Variants in TRANK1 observed in about 807,000 individuals in gnomAD.
TRANK1 encodes the protein tetratricopeptide repeat and ankyrin repeat containing 1.
TRANK1 carries 198 observed loss-of-function variants against 266.0 expected under a neutral mutation model. That is an observed-to-expected ratio of 0.74 (90% CI 0.66 to 0.84). The LOEUF is 0.84. Ranked by LOEUF, TRANK1 falls within the 40% of genes least tolerant of loss-of-function variation. TRANK1 has a pLI of 0.00. For missense variants in TRANK1, 3,326 were observed against 3,634.6 expected (o/e 0.92, Z 2.18); for synonymous variants, 1,396 against 1,384.1 (o/e 1.01, Z -0.19).
rs369479012 is a variant in TRANK1, at chr3:36,857,567, C to G, written c.2155G>C (p.Glu719Gln). 6.2e-7 allele frequency: 1 copy of G among 1,614,042 alleles called. No homozygotes were observed. Among genetic ancestry groups the G allele is most frequent in the Admixed American group, 1.7e-5 (1 of 60,028 alleles). The change falls in exon 13 of 24, where the codon GAG (glutamate) becomes CAG (glutamine). Residue 719 changes from glutamate to glutamine, a missense_variant. Physicochemically the swap from Glu to Gln is conservative, Grantham distance 29. Transcript: ENST00000645898. This position sits in a 1 kb window ranked among gnomAD's most constrained non-coding sequence, Gnocchi z 4.3. The part of the protein sequence containing the change: ...TLPGTQVTRK[E>Q]PGALRPCSLR... ...GAGCAGGGCCTGAGAGCTCCAGGCT[C>G]CTTCCTGGTCACCTGGGTACCTGGG...
At chr3:36,882,119 G>A (rs1224107365) in intron 8 of TRANK1, among the ~76,000 whole-genome samples, 2 of 152,080 alleles carry the variant, frequency 1.3e-5, no homozygotes, top group African/African-American at 4.8e-5. Context: ...GACAGATTTG[G>A]TCTTCTGGTA....
intron 5 of TRANK1, among the ~76,000 whole-genome samples, chr3:36,893,600 C>A (rs2079742736): frequency 1.3e-5 from 2 of 152,218 alleles, no homozygotes; most frequent in South Asian, 4.1e-4. Flanking sequence ...TTTCAGAGAC[C>A]CAGTTGTTAA....
Position 36,903,032 on chromosome 3 carries a change from G to A in TRANK1, c.282+117C>T, listed in dbSNP as rs1187131562. 3.7e-6 allele frequency: 5 copies of A among 1,339,866 alleles called. No homozygotes were observed. In the East Asian group the frequency reaches 1.3e-4, roughly 34 times the overall value. The allele number at this position is 1,339,866 out of a possible 1,614,324, so 83.0% of individuals were successfully genotyped here. A position where few individuals can be genotyped will look rare whatever the true frequency, so the allele number is the denominator to read the frequency against. On this transcript the variant is annotated intron_variant, in intron 3 of 23. Transcript: ENST00000645898. ...GAGGCAGGCTAAAAGGAAGGAGGCA[G>A]CAGCTGCCACCCCCAGGTGCCACTG...
intron 1 of TRANK1, among the ~76,000 whole-genome samples, chr3:36,923,938 T>C (rs546839228): frequency 8.6e-5 from 13 of 151,924 alleles, no homozygotes; most frequent in South Asian, 6.2e-4. Flanking sequence ...CTGCCTTGCC[T>C]GAAGGGAAGA....
In TRANK1 at chr3:36,869,869, T is replaced by C. The variant is rs959391743; in HGVS notation, c.1078+4257A>G. 2.0e-5 allele frequency among the ~76,000 whole-genome samples: 3 copies of C among 152,256 alleles called. No homozygotes were observed. In the South Asian group the frequency reaches 6.2e-4, roughly 31 times the overall value. On this transcript the variant is annotated intron_variant, in intron 9 of 23. Coordinates refer to ENST00000645898, the MANE Select transcript of TRANK1 (RefSeq NM_001329998.2). ...CGAGTGGCTATCATATCAGACAGAA[T>C]AGGTGTAGGACATTTCCATCATCTA...
At chr3:36,872,044 A>G (rs1178873901) in intron 9 of TRANK1, among the ~76,000 whole-genome samples, 1 of 152,242 alleles carries the variant, frequency 6.6e-6, no homozygotes, top group Non-Finnish European at 1.5e-5. Flanking sequence ...CTTCAGTCAT[A>G]CATACAAACC....
Position 36,857,819 on chromosome 3 carries a change from T to A in TRANK1, c.1903A>T (p.Ile635Phe), listed in dbSNP as rs879179940. ...AAGAGCAGAGAGTCGTTCTTCTTAATCCGGTGCCGTGCATCTTTGCCCTCT... is the reference window on the plus strand; with the variant it reads ...AAGAGCAGAGAGTCGTTCTTCTTAAACCGGTGCCGTGCATCTTTGCCCTCT... ...NKEGKDARHR[I>F]KKNDSLLLAW... Residue 635 changes from isoleucine to phenylalanine, a missense_variant, in exon 13 of 24, where the codon ATT becomes TTT. Coordinates refer to ENST00000645898, the MANE Select transcript of TRANK1 (RefSeq NM_001329998.2). The surrounding 1 kb of genome is among the most constrained non-coding windows in gnomAD (Gnocchi z 4.3). 2 of 1,613,920 alleles carry A rather than the reference T, an allele frequency of 1.2e-6. No homozygotes were observed. The highest frequency in any genetic ancestry group is 1.7e-6 in the Non-Finnish European group (2 of 1,179,890).
intron 13 of TRANK1, 135 bp from the exon 14 acceptor site, chr3:36,852,480 C>G: frequency 1.3e-6 from 1 of 755,220 alleles, no homozygotes; most frequent in South Asian, 2.1e-5. Context: ...AGCCCGTTTT[C>G]AGTTCCCATT....
chr3:36,900,946 TCTGG>T (rs762617500), intron 3 of TRANK1, among the ~76,000 whole-genome samples: 1 of 151,278 alleles, frequency 6.6e-6, no homozygotes, highest in East Asian at 1.9e-4. Context: ...ACACCAAATT[TCTGG>T]CTATTTAATG....
intron 8 of TRANK1, among the ~76,000 whole-genome samples, chr3:36,882,879 A>G (rs1318400348): frequency 6.6e-6 from 1 of 152,232 alleles, no homozygotes; most frequent in Non-Finnish European, 1.5e-5. Flanking sequence ...CATTCTTAAA[A>G]GTTCAACCTC....
At chr3:36,830,759 G>A (rs1377406988) in intron 22 of TRANK1, 114 bp downstream of exon 22, 4 of 1,201,902 alleles carry the variant, frequency 3.3e-6, no homozygotes, top group Non-Finnish European at 4.5e-6. Context: ...TTCTTCTAAG[G>A]CCAAGATTCC....
At chr3:36,846,160 A>T in intron 17 of TRANK1, 88 bp downstream of exon 17, 1 of 1,314,214 alleles carries the variant, frequency 7.6e-7, no homozygotes, top group Non-Finnish European at 1.0e-6. Flanking sequence ...GCACTTTCAA[A>T]ATACCACACC....
At chr3:36,879,557 AATATATAAATATATAAAT>A (rs2079442883) in intron 8 of TRANK1, among the ~76,000 whole-genome samples, 2 of 124,686 alleles carry the variant, frequency 1.6e-5, no homozygotes, top group Non-Finnish European at 3.2e-5. Context: ...TATCTATATA[AATATATAAATATATAAAT>A]ATATATAAAT....
intron 1 of TRANK1, among the ~76,000 whole-genome samples, chr3:36,930,544 A>G (rs1313723823): frequency 6.6e-6 from 1 of 152,244 alleles, no homozygotes; most frequent in East Asian, 1.9e-4. Flanking sequence ...GCAATAGGAA[A>G]CTAATATACA....
intron 1 of TRANK1, among the ~76,000 whole-genome samples, chr3:36,916,251 G>A (rs778345558): frequency 3.9e-5 from 6 of 152,102 alleles, no homozygotes; most frequent in Non-Finnish European, 7.4e-5. Context: ...AACACTAGAG[G>A]GTTTTAGGTT....
At chr3:36,890,158 G>T (rs1314880997) in intron 7 of TRANK1, among the ~76,000 whole-genome samples, 198 bp from the exon 8 acceptor site, 1 of 152,180 alleles carries the variant, frequency 6.6e-6, no homozygotes, top group East Asian at 1.9e-4. Context: ...AGATGCAGGC[G>T]TTTGTCAAGT....
chr3:36,909,199 A>G (rs1232996038), intron 1 of TRANK1, among the ~76,000 whole-genome samples: 5 of 152,224 alleles, frequency 3.3e-5, no homozygotes, highest in African/African-American at 1.2e-4. Flanking sequence ...TTTCAGGTCA[A>G]ACCCCTATTT....
intron 1 of TRANK1, among the ~76,000 whole-genome samples, chr3:36,929,883 A>ATTGTTGTTTGTTGTTG (rs1553632048): frequency 2.7e-5 from 4 of 148,940 alleles, no homozygotes; most frequent in Non-Finnish European, 5.9e-5. Flanking sequence ...GATGCAGCAG[A>ATTGTTGTTTGTTGTTG]TTGTTGTTGT....
intron 2 of TRANK1, among the ~76,000 whole-genome samples, 174 bp from the exon 3 acceptor site, chr3:36,903,449 A>G (rs925488327): frequency 1.3e-5 from 2 of 152,212 alleles, no homozygotes; most frequent in Non-Finnish European, 2.9e-5. Context: ...GAACATTTAC[A>G]ATATATAAAT....
Sources: allele counts gnomAD v4.1 joint callset (sites outside exome capture counted in the v4.1 genomes callset), GRCh38; gene constraint gnomAD v4.1.1; non-coding constraint Gnocchi (gnomAD v3.1); transcripts MANE v1.5; gene names NCBI Gene and HGNC (gene_info 2026-07-23, HGNC 2026-07-21).